Variants in G3BP2 observed in about 807,000 individuals in gnomAD.
G3BP2 encodes G3BP stress granule assembly factor 2, also known as ras GTPase-activating protein-binding protein 2.
In G3BP2, 11 loss-of-function variants were observed where a neutral mutation model predicts 56.7. That is an observed-to-expected ratio of 0.19 (90% CI 0.12 to 0.32). The LOEUF is 0.32. G3BP2 is among the 10% of genes least tolerant of loss of function. The probability of loss-of-function intolerance (pLI) is 1.00; values close to 1 mark genes in which losing one functional copy is unlikely to be tolerated. For missense variants in G3BP2, 340 were observed against 610.9 expected, an observed-to-expected ratio of 0.56 and a Z score of 4.67; for synonymous variants, 165 against 191.6, an observed-to-expected ratio of 0.86 and a Z score of 1.15.
intron 1 of G3BP2, among the ~76,000 whole-genome samples, chr4:75,664,291 G>A (rs1032264006): frequency 6.6e-6 from 1 of 152,016 alleles, no homozygotes; most frequent in African/African-American, 2.4e-5. Flanking sequence ...TGAAATTCCT[G>A]CTTAGCCAGG....
At chr4:75,690,400 C>G (rs941496329) in intron 3 of G3BP2, among the ~76,000 whole-genome samples, 2 of 149,094 alleles carry the variant, frequency 1.3e-5, no homozygotes, top group African/African-American at 5.0e-5. Flanking sequence ...CTATTGCACT[C>G]TAGCCTGGGC....
Position 75,697,164 on chromosome 4 carries a change from C to T in G3BP2, c.-25+23713G>A, listed in dbSNP as rs562613470. On this transcript the variant is annotated intron_variant, in intron 3 of 3. Transcript: ENST00000499709. ...TAGCGCGTGCCTGTAGTCCCAGCTA[C>T]TCAGGAGGCTGAGGCAGGAGAATGG... 2.0e-3 allele frequency among the ~76,000 whole-genome samples: 310 copies of T among 151,302 alleles called. 4 individuals are homozygous for T. The highest frequency in any genetic ancestry group is 7.2e-3 in the African/African-American group (297 of 41,204).
At chr4:75,683,768 T>C (rs1054649293) in intron 3 of G3BP2, among the ~76,000 whole-genome samples, 5 of 152,022 alleles carry the variant, frequency 3.3e-5, no homozygotes, top group African/African-American at 1.2e-4. Flanking sequence ...CTCCCAGTTA[T>C]CTCCCTTTTT....
chr4:75,704,316 G>C (rs1719461090), intron 3 of G3BP2, among the ~76,000 whole-genome samples: 1 of 151,692 alleles, frequency 6.6e-6, no homozygotes, highest in East Asian at 1.9e-4. Flanking sequence ...CGCCGGACCT[G>C]TTTGTTTGGT....
At chr4:75,678,034 G>A (rs989507546), upstream of G3BP2, among the ~76,000 whole-genome samples, 1 of 152,216 alleles carries the variant, frequency 6.6e-6, no homozygotes, top group African/African-American at 2.4e-5. Context: ...CATCTTTGAA[G>A]CAGAGCAAGC....
chr4:75,658,753 A>G (rs1732315878), intron 3 of G3BP2, 90 bp downstream of exon 3: 1 of 811,766 alleles, frequency 1.2e-6, no homozygotes, highest in Non-Finnish European at 2.1e-6. Context: ...AGAAAGAAAG[A>G]AAAAAAAAGC....
intron 3 of G3BP2, among the ~76,000 whole-genome samples, chr4:75,657,936 T>C (rs1403391990): frequency 6.6e-6 from 1 of 152,236 alleles, no homozygotes; most frequent in Non-Finnish European, 1.5e-5. Flanking sequence ...TGTGCAGTAA[T>C]CTGGGCTTTA....
intron 3 of G3BP2, among the ~76,000 whole-genome samples, chr4:75,715,346 C>A (rs1719892867): frequency 6.6e-6 from 1 of 152,182 alleles, no homozygotes; most frequent in African/African-American, 2.4e-5. Flanking sequence ...CTAGCTGCTG[C>A]AGATATTAGT....
upstream of G3BP2, among the ~76,000 whole-genome samples, chr4:75,677,971 T>C: frequency 6.6e-6 from 1 of 152,136 alleles, no homozygotes; most frequent in East Asian, 1.9e-4. Context: ...AGTTCATTAG[T>C]CTCTTTTGTG....
intron 5 of G3BP2, among the ~76,000 whole-genome samples, chr4:75,656,525 A>T (rs1195095016): frequency 6.6e-6 from 1 of 152,224 alleles, no homozygotes; most frequent in African/African-American, 2.4e-5. Flanking sequence ...ATGGAAGATC[A>T]ATTAAATAAT....
At chr4:75,655,735 G>C in intron 6 of G3BP2, 33 bp downstream of exon 6, 1 of 1,152,076 alleles carries the variant, frequency 8.7e-7, no homozygotes, top group Non-Finnish European at 1.3e-6. Flanking sequence ...ACATAGTTCA[G>C]ACCAAATTTA....
intron 1 of G3BP2, among the ~76,000 whole-genome samples, chr4:75,663,371 G>A (rs577594113): frequency 8.7e-6 from 1 of 115,596 alleles, no homozygotes; most frequent in Non-Finnish European, 1.9e-5. Context: ...AGGCTCAAGC[G>A]ATCCTCCCCG....
At chr4:75,655,325 G>GTAACAAGTTATTGGCATA in intron 6 of G3BP2, 79 bp from the exon 7 acceptor site, 1 of 995,018 alleles carries the variant, frequency 1.0e-6, no homozygotes, top group Non-Finnish European at 1.6e-6. Context: ...TCCAATGGGT[G>GTAACAAGTTATTGGCATA]TAACTAGTTA....
At chr4:75,718,239 T>TTTC (rs1491417044) in intron 3 of G3BP2, among the ~76,000 whole-genome samples, 2 of 1,788 alleles carry the variant, frequency 1.1e-3, no homozygotes, top group African/African-American at 0.017. Flanking sequence ...TCTTTCTTTC[T>TTTC]TTTTTTTTTT....
intron 3 of G3BP2, among the ~76,000 whole-genome samples, chr4:75,714,985 C>T (rs1577903869): frequency 6.6e-6 from 1 of 152,158 alleles, no homozygotes; most frequent in African/African-American, 2.4e-5. Flanking sequence ...TATTGCAGCA[C>T]GTGGTAATCC....
At chr4:75,697,468 A>G (rs1285750784) in intron 3 of G3BP2, among the ~76,000 whole-genome samples, 1 of 152,056 alleles carries the variant, frequency 6.6e-6, no homozygotes, top group East Asian at 1.9e-4. Context: ...GATTTAATAC[A>G]CTATTCGACT....
chr4:75,649,172 TCAAATGTAA>T (rs1731477937), intron 8 of G3BP2: 1 of 157,458 alleles, frequency 6.4e-6, no homozygotes, highest in South Asian at 1.8e-4. Flanking sequence ...TTGCTATCCT[TCAAATGTAA>T]CAGTGCTCAG....
intron 5 of G3BP2, among the ~76,000 whole-genome samples, chr4:75,656,503 C>T (rs993204355): frequency 2.0e-5 from 3 of 151,912 alleles, no homozygotes; most frequent in African/African-American, 7.3e-5. Flanking sequence ...AGAAACTAAC[C>T]ACTGTACATC....
intron 1 of G3BP2, among the ~76,000 whole-genome samples, chr4:75,666,646 T>C (rs1052556054): frequency 5.9e-5 from 9 of 152,130 alleles, no homozygotes; most frequent in African/African-American, 2.2e-4. Flanking sequence ...GTAAGTAATA[T>C]AAAGTTCGTA....
Sources: gnomAD v4.1 joint callset for allele counts (sites outside exome capture counted in the v4.1 genomes callset) on GRCh38, gnomAD v4.1.1 for gene constraint, MANE v1.5 for transcripts, NCBI Gene and HGNC (gene_info 2026-07-23, HGNC 2026-07-21) for gene names.